SRP54: variants seen among roughly 807,000 people sequenced by gnomAD.
SRP54 encodes the protein signal recognition particle subunit SRP54.
A neutral mutation model predicts 64.8 loss-of-function variants in SRP54; 10 were observed. That is an observed-to-expected ratio of 0.15 (90% CI 0.10 to 0.26). The LOEUF is 0.26. Ranked by LOEUF, SRP54 falls within the 10% of genes least tolerant of loss-of-function variation. The pLI, the probability that SRP54 is intolerant of heterozygous loss-of-function variation, is 1.00. For synonymous variants in SRP54, 193 were observed against 185.6 expected (o/e 1.04, Z -0.32); for missense variants, 325 against 613.7 (o/e 0.53, Z 4.97).
At chr14:35,025,638 T>C (rs1170565475) in intron 14 of SRP54, among the ~76,000 whole-genome samples, 1 of 152,228 alleles carries the variant, frequency 6.6e-6, no homozygotes, top group Non-Finnish European at 1.5e-5. Context: ...AAATACTTTT[T>C]AGAAGTTTTA....
chr14:35,026,350 C>T (rs911480459), intron 14 of SRP54, among the ~76,000 whole-genome samples: 5 of 151,988 alleles, frequency 3.3e-5, no homozygotes, highest in Admixed American at 3.3e-4. Flanking sequence ...ATCTGAGGCC[C>T]CCAAGTAGCT....
rs1555354852 is a variant in SRP54 at position 35,014,290 on chromosome 14, T to TTTTG, written c.886+391_886+392insGTTT. Among the ~76,000 whole-genome samples, 14 of 127,352 alleles carry TTTTG rather than the reference T, an allele frequency of 1.1e-4. No homozygotes were observed. In the East Asian group the frequency reaches 2.4e-3, roughly 22 times the overall value. The allele number at this position is 127,352 out of a possible 152,430, so 83.5% of individuals were successfully genotyped here. On this transcript the variant is annotated intron_variant, in intron 10 of 15. Transcript: ENST00000216774. Reference sequence around the variant, plus strand: ...TGCCACTTAACTTTTTTTTTTTTTTTTTTTGAGACGGAGTTTCGCTCTTGT... The same window carrying TTTTG: ...TGCCACTTAACTTTTTTTTTTTTTTTTTTGTTTTGAGACGGAGTTTCGCTCTTGT...
intron 1 of SRP54, among the ~76,000 whole-genome samples, chr14:34,991,109 C>CTTTTTTTTTTTTTTTTTT (rs71435838): frequency 1.8e-5 from 2 of 111,058 alleles, no homozygotes; most frequent in African/African-American, 3.3e-5. Context: ...AATTTCTTTT[C>CTTTTTTTTTTTTTTTTTT]TTTTTTTTTT....
chr14:35,028,078 T>C lies in SRP54; in HGVS notation c.1328-10T>C, dbSNP rs571366721. ...ACGCTGACTCAAAATCTTTTTTTTT[T>C]TCCCCTCAGGTGGCGACATGTCTAA... On this transcript the variant is annotated splice_polypyrimidine_tract_variant and intron_variant, in intron 14 of 15. Transcript: ENST00000216774. 841 of 1,597,232 alleles carry C rather than the reference T, an allele frequency of 5.3e-4. 2 individuals are homozygous for C. Among genetic ancestry groups the C allele is most frequent in the South Asian group, 7.3e-4 (65 of 88,620 alleles).
intron 7 of SRP54, among the ~76,000 whole-genome samples, chr14:35,010,943 C>T (rs1195424911): frequency 6.6e-6 from 1 of 152,104 alleles, no homozygotes; most frequent in African/African-American, 2.4e-5. Context: ...TTTAAAGAGA[C>T]ATGCCATGGT....
At chr14:34,995,134 G>GGTGTGTGTGTGTGTGTGTGTGT (rs35829734) in intron 1 of SRP54, among the ~76,000 whole-genome samples, 2 of 70,324 alleles carry the variant, frequency 2.8e-5, no homozygotes, top group Admixed American at 1.6e-4. Context: ...ATCAATAAAG[G>GGTGTGTGTGTGTGTGTGTGTGT]GTGTGTGTGT....
At chr14:35,018,193 C>G (rs1292362556) in intron 11 of SRP54, among the ~76,000 whole-genome samples, 1 of 152,152 alleles carries the variant, frequency 6.6e-6, no homozygotes, top group Non-Finnish European at 1.5e-5. Flanking sequence ...TGTAGTTGTA[C>G]TTATCTATAG....
At chr14:35,014,622 G>A in intron 10 of SRP54, 122 bp from the exon 11 acceptor site, 2 of 733,024 alleles carry the variant, frequency 2.7e-6, no homozygotes, top group Non-Finnish European at 4.5e-6. Flanking sequence ...CATTTGTGTA[G>A]TGTAGTAAGA....
Position 35,029,373 on chromosome 14 carries a change from T to A in SRP54, c.*221T>A, listed in dbSNP as rs952106723. 2 of 412,906 alleles carry A rather than the reference T, an allele frequency of 4.8e-6. No individual in the cohort carries two copies. Among genetic ancestry groups the A allele is most frequent in the Admixed American group, 8.5e-5 (2 of 23,620 alleles). 25.6% of individuals were successfully genotyped at this position (412,906 alleles called of 1,614,324 possible). A position where few individuals can be genotyped will look rare whatever the true frequency, so the allele number is the denominator to read the frequency against. ...TACATGGTTTTTGTGGAAATCATTA[T>A]ATGTTTGCTTTAGATTTTCTTCTGT... On this transcript the variant is annotated 3_prime_UTR_variant, in exon 16 of 16. Coordinates refer to ENST00000216774, the MANE Select transcript of SRP54 (RefSeq NM_003136.4).
At position 34,995,920 on chromosome 14, in the gene SRP54, C is replaced by G. The variant is rs368187145; in HGVS notation, c.-33-757C>G. ...CGTCTCTACAGATAATAAAAATTAG[C>G]TGGGCATGGTGGCATGCACCTGTGG... On this transcript the variant is annotated intron_variant, in intron 1 of 15. Transcript: ENST00000216774. 2.0e-5 allele frequency among the ~76,000 whole-genome samples: 3 copies of G among 152,054 alleles called. No individual in the cohort carries two copies. In the East Asian group the frequency reaches 5.8e-4, roughly 29 times the overall value.
intron 14 of SRP54, among the ~76,000 whole-genome samples, chr14:35,025,325 A>C (rs2044604137): frequency 1.3e-5 from 2 of 152,168 alleles, no homozygotes; most frequent in African/African-American, 4.8e-5. Flanking sequence ...AGATGTTTTA[A>C]ATTACCTTTT....
At chr14:34,987,393 A>G (rs960124898) in intron 1 of SRP54, among the ~76,000 whole-genome samples, 1 of 151,462 alleles carries the variant, frequency 6.6e-6, no homozygotes, top group Admixed American at 6.6e-5. Context: ...ATTTTCGTAC[A>G]TTTTTATTAT....
At chr14:34,999,672 AACAC>A (rs1334902102) in intron 3 of SRP54, 23 bp downstream of exon 3, 2 of 1,539,520 alleles carry the variant, frequency 1.3e-6, no homozygotes, top group Non-Finnish European at 1.8e-6. Flanking sequence ...AATCAGGTAA[AACAC>A]AGGCACAGTT....
intron 11 of SRP54, among the ~76,000 whole-genome samples, chr14:35,017,070 A>T (rs1273457982): frequency 6.6e-6 from 1 of 151,696 alleles, no homozygotes; most frequent in South Asian, 2.1e-4. Context: ...GGCCAGGCTG[A>T]TCTCGAACTC....
intron 11 of SRP54, among the ~76,000 whole-genome samples, chr14:35,015,958 C>T (rs1214239388): frequency 2.0e-5 from 3 of 152,140 alleles, no homozygotes; most frequent in South Asian, 2.1e-4. Flanking sequence ...CCTCTCACCT[C>T]GTTGTCTTAT....
intron 1 of SRP54, among the ~76,000 whole-genome samples, chr14:34,994,770 T>A (rs1165816139): frequency 1.3e-5 from 2 of 151,840 alleles, no homozygotes; most frequent in African/African-American, 4.8e-5. Flanking sequence ...AGTCTAAAAT[T>A]CTTCCTTTTC....
chr14:34,999,021 T>TG lies in SRP54; in HGVS notation c.79-537_79-536insG. 1.7e-5 allele frequency among the ~76,000 whole-genome samples: 2 copies of TG among 117,676 alleles called. 1 individual carries two copies. The highest frequency in any genetic ancestry group is 3.7e-5 in the Non-Finnish European group (2 of 54,162). 77.2% of individuals were successfully genotyped at this position (117,676 alleles called of 152,430 possible). A position where few individuals can be genotyped will look rare whatever the true frequency, so the allele number is the denominator to read the frequency against. On this transcript the variant is annotated intron_variant, in intron 2 of 15. Coordinates refer to ENST00000216774, the MANE Select transcript of SRP54 (RefSeq NM_003136.4). Reference sequence around the variant, plus strand: ...TGTGTGTGTGTGTGTGTGGTTTTTTTTTTTTTTTTTTGAGACAAAGTCTCA... The same window carrying TG: ...TGTGTGTGTGTGTGTGTGGTTTTTTTGTTTTTTTTTTTGAGACAAAGTCTCA...
At chr14:35,007,234 T>C (rs1343951329) in intron 4 of SRP54, 49 bp from the exon 5 acceptor site, 1 of 1,311,806 alleles carries the variant, frequency 7.6e-7, no homozygotes. Flanking sequence ...GTTTTGAATT[T>C]ATATGTATGT....
At chr14:34,991,265 G>A (rs1375965988) in intron 1 of SRP54, among the ~76,000 whole-genome samples, 1 of 149,356 alleles carries the variant, frequency 6.7e-6, no homozygotes. Context: ...GAGTACCTGG[G>A]ATTACAGGCA....
Sources: gnomAD v4.1 joint callset for allele counts (sites outside exome capture counted in the v4.1 genomes callset) on GRCh38, gnomAD v4.1.1 for gene constraint, MANE v1.5 for transcripts, NCBI Gene and HGNC (gene_info 2026-07-23, HGNC 2026-07-21) for gene names.